Variants in PJA2 observed in about 807,000 individuals in gnomAD.
PJA2 encodes praja ring finger ubiquitin ligase 2.
A neutral mutation model predicts 69.3 loss-of-function variants in PJA2; 25 were observed. That is an observed-to-expected ratio of 0.36 (90% CI 0.26 to 0.50). The LOEUF (loss-of-function observed/expected upper bound fraction) is 0.50, where lower values mean the gene tolerates loss of function less well. PJA2 is among the 20% of genes least tolerant of loss of function. The probability of loss-of-function intolerance (pLI) is 0.96; values close to 1 mark genes in which losing one functional copy is unlikely to be tolerated. For missense variants in PJA2, 809 were observed against 830.2 expected (o/e 0.97, Z 0.31); for synonymous variants, 308 against 277.8 (o/e 1.11, Z -1.08).
intron 9 of PJA2, among the ~76,000 whole-genome samples, chr5:109,341,337 G>A (rs1188294701): frequency 0.02 from 2,978 of 148,424 alleles, 75 homozygotes; most frequent in African/African-American, 0.07. Context: ...CCGAGACCCC[G>A]TCTGGGAGGT....
At chr5:109,406,586 G>A (rs1303180866) in intron 1 of PJA2, among the ~76,000 whole-genome samples, 1 of 152,168 alleles carries the variant, frequency 6.6e-6, no homozygotes, top group African/African-American at 2.4e-5. Flanking sequence ...TATGTAAAAT[G>A]TGACAACCAC....
At chr5:109,367,103 G>T (rs1315450746) in intron 5 of PJA2, among the ~76,000 whole-genome samples, 1 of 147,946 alleles carries the variant, frequency 6.8e-6, no homozygotes, top group African/African-American at 2.5e-5. Context: ...CTGCACTCCA[G>T]CCTGGGCAAC....
At chr5:109,352,649 G>A (rs1455720957) in intron 7 of PJA2, among the ~76,000 whole-genome samples, 7 of 151,934 alleles carry the variant, frequency 4.6e-5, no homozygotes, top group South Asian at 4.1e-4. Context: ...ACCATAAAGC[G>A]TAATTGAAAG....
In PJA2 at chr5:109,337,051, ATG is replaced by A; in HGVS notation, c.*178_*179del. 1 of 439,816 alleles carries A rather than the reference ATG, an allele frequency of 2.3e-6. No individual in the cohort carries two copies. The highest frequency in any genetic ancestry group is 7.1e-5 in the South Asian group (1 of 14,134). 27.2% of individuals were successfully genotyped at this position (439,816 alleles called of 1,614,324 possible). ...CACTGTCTCAACATTCAGCTTAAAAATGTTTAATACTTTCTGCAAACCTAAAT... is the reference window on the plus strand; with the variant it reads ...CACTGTCTCAACATTCAGCTTAAAAATTTAATACTTTCTGCAAACCTAAAT... On this transcript the variant is annotated 3_prime_UTR_variant, in exon 10 of 10. Transcript: ENST00000361189.
Position 109,336,573 on chromosome 5 carries a change from G to A in PJA2, c.*658C>T, listed in dbSNP as rs1380059059. 1 of 152,030 alleles carries A rather than the reference G, an allele frequency of 6.6e-6. No individual in the cohort carries two copies. The highest frequency in any genetic ancestry group is 2.4e-5 in the African/African-American group (1 of 41,360). The allele number at this position is 152,030 out of a possible 1,614,324, so 9.4% of individuals were successfully genotyped here. A position where few individuals can be genotyped will look rare whatever the true frequency, so the allele number is the denominator to read the frequency against. The stretch of plus-strand genomic sequence containing the variant: ...GTATGCTTTACTAACCTTACGTTAA[G>A]CACATCCACTGGTTTCATTAAGGAT... On this transcript the variant is annotated 3_prime_UTR_variant, in exon 10 of 10. Transcript: ENST00000361189.
At chr5:109,342,066 C>T (rs1169124947) in intron 9 of PJA2, among the ~76,000 whole-genome samples, 16 of 123,540 alleles carry the variant, frequency 1.3e-4, no homozygotes, top group African/African-American at 3.2e-4. Context: ...GTCAGCCCTC[C>T]GCCCGGCCAG....
intron 1 of PJA2, among the ~76,000 whole-genome samples, chr5:109,396,006 A>G (rs534352237): frequency 2.5e-4 from 38 of 151,812 alleles, no homozygotes; most frequent in African/African-American, 8.2e-4. Flanking sequence ...ATCTCAAAAA[A>G]AAAAAAAAGA....
intron 9 of PJA2, among the ~76,000 whole-genome samples, chr5:109,341,548 T>TGGG (rs1334894081): frequency 9.8e-3 from 504 of 51,170 alleles, no homozygotes; most frequent in Middle Eastern, 0.034. Flanking sequence ...GGGAGGGAGG[T>TGGG]GGGGGGGGGT....
At chr5:109,344,842 C>T (rs1186461533) in intron 7 of PJA2, 23 bp from the exon 8 acceptor site, 1 of 1,479,004 alleles carries the variant, frequency 6.8e-7, no homozygotes, top group African/African-American at 1.4e-5. Flanking sequence ...AGGTACAGTT[C>T]TTTGTTAGAA....
chr5:109,399,494 T>C (rs1208692976), intron 1 of PJA2, among the ~76,000 whole-genome samples: 1 of 151,870 alleles, frequency 6.6e-6, no homozygotes, highest in Non-Finnish European at 1.5e-5. Flanking sequence ...CTTAGAAAAA[T>C]CAGGCACTTC....
chr5:109,389,583 T>C (rs1747236248), intron 1 of PJA2, among the ~76,000 whole-genome samples: 1 of 151,984 alleles, frequency 6.6e-6, no homozygotes, highest in African/African-American at 2.4e-5. Flanking sequence ...TTTTCTTAAC[T>C]AACTGACTGT....
chr5:109,343,786 T>C (rs1304011385), intron 9 of PJA2, among the ~76,000 whole-genome samples: 3 of 152,154 alleles, frequency 2.0e-5, no homozygotes, highest in Non-Finnish European at 4.4e-5. Flanking sequence ...TGCGGCTAAA[T>C]AAAACAGGTT....
Position 109,337,336 on chromosome 5 carries a change from G to A in PJA2, c.2022C>T (p.Cys674=), listed in dbSNP as rs1195455568. The change falls in exon 10 of 10, where the codon TGC becomes TGT. Residue 674 remains cysteine, a synonymous_variant. Transcript: ENST00000361189. ...TAACCGCAGGTGGGAAATGACGGCG[G>A]CACACAGGGCATGTTCCCGACTGGA... ...WLQKSGTCPV[C]RRHFPPAVIE... 8 of 1,611,404 alleles carry A rather than the reference G, an allele frequency of 5.0e-6. No individual in the cohort carries two copies. The highest frequency in any genetic ancestry group is 5.9e-6 in the Non-Finnish European group (7 of 1,179,036).
intron 1 of PJA2, among the ~76,000 whole-genome samples, chr5:109,396,650 C>T (rs901686486): frequency 2.7e-5 from 4 of 150,458 alleles, no homozygotes; most frequent in Non-Finnish European, 4.4e-5. Flanking sequence ...TAGTCTTGAA[C>T]TCCTGACCTC....
rs769313794 is a variant in PJA2 at position 109,379,171 on chromosome 5, C to T, written c.316G>A (p.Gly106Ser). The change falls in exon 4 of 10, where the codon GGT (glycine) becomes AGT (serine). Residue 106 changes from glycine to serine, a missense_variant. Coordinates refer to ENST00000361189, the MANE Select transcript of PJA2 (RefSeq NM_014819.5). ...EKSETEIPTCGSALNQTTESS... is the reference protein window; with the variant it reads ...EKSETEIPTCSSALNQTTESS... ...TCAGTGGTTTGATTCAATGCTGAAC[C>T]ACAAGTGGGAATTTCTGTTTCACTT... 7 of 1,613,884 alleles carry T rather than the reference C, an allele frequency of 4.3e-6. No individual in the cohort carries two copies. Among genetic ancestry groups the T allele is most frequent in the Non-Finnish European group, 5.1e-6 (6 of 1,179,978 alleles).
At chr5:109,365,430 C>T (rs1275484752) in intron 5 of PJA2, among the ~76,000 whole-genome samples, 1 of 152,124 alleles carries the variant, frequency 6.6e-6, no homozygotes, top group East Asian at 1.9e-4. Flanking sequence ...CAATGTGCTA[C>T]CGGTTGCATA....
chr5:109,350,786 C>A (rs1762237327), intron 7 of PJA2, among the ~76,000 whole-genome samples: 1 of 152,144 alleles, frequency 6.6e-6, no homozygotes, highest in South Asian at 2.1e-4. Context: ...TTACAGCCTT[C>A]CTAGTGCCTA....
In PJA2 at chr5:109,336,498, G is replaced by A. The variant is rs191665921; in HGVS notation, c.*733C>T. 226 of 152,070 alleles carry A rather than the reference G, an allele frequency of 1.5e-3. No individual in the cohort carries two copies. Among genetic ancestry groups the A allele is most frequent in the African/African-American group, 5.3e-3 (221 of 41,460 alleles). 9.4% of individuals were successfully genotyped at this position (152,070 alleles called of 1,614,324 possible). On this transcript the variant is annotated 3_prime_UTR_variant, in exon 10 of 10. Coordinates refer to ENST00000361189, the MANE Select transcript of PJA2 (RefSeq NM_014819.5). ...AAGAGGTTAGAAAGAGTTTCATAAG[G>A]CCATCTAATTCAGCTCATTGTACCA...
At chr5:109,346,097 T>A (rs1003940284) in intron 7 of PJA2, among the ~76,000 whole-genome samples, 1 of 152,234 alleles carries the variant, frequency 6.6e-6, no homozygotes, top group African/African-American at 2.4e-5. Context: ...ATGAGGCCTA[T>A]GTCAGTGGTC....
Sources: allele counts gnomAD v4.1 joint callset (sites outside exome capture counted in the v4.1 genomes callset), GRCh38; gene constraint gnomAD v4.1.1; transcripts MANE v1.5; gene names NCBI Gene and HGNC (gene_info 2026-07-23, HGNC 2026-07-21).